Variants in GRM8 observed in about 807,000 individuals in gnomAD.
The protein encoded by GRM8 is metabotropic glutamate receptor 8.
GRM8 carries 47 observed loss-of-function variants against 87.2 expected under a neutral mutation model. That is an observed-to-expected ratio of 0.54 (90% CI 0.43 to 0.69). The LOEUF (loss-of-function observed/expected upper bound fraction) is 0.69, where lower values mean the gene tolerates loss of function less well. Ranked by LOEUF, GRM8 falls within the 30% of genes least tolerant of loss-of-function variation. The pLI is 0.00. For synonymous variants in GRM8, 396 were observed against 404.5 expected (o/e 0.98, Z 0.25); for missense variants, 1,019 against 1,139.2 (o/e 0.89, Z 1.52).
At chr7:126,464,216 T>G (rs1804229807) in intron 9 of GRM8, among the ~76,000 whole-genome samples, 1 of 151,690 alleles carries the variant, frequency 6.6e-6, no homozygotes, top group African/African-American at 2.4e-5. Flanking sequence ...TGGCTTGCCA[T>G]CTTTTTATAG....
At chr7:126,815,189 A>G (rs991421517) in intron 6 of GRM8, among the ~76,000 whole-genome samples, 1 of 152,096 alleles carries the variant, frequency 6.6e-6, no homozygotes, top group Non-Finnish European at 1.5e-5. Context: ...GTTCGTGACA[A>G]AAATTCCTGG....
At chr7:127,214,237 A>G (rs1471209091) in intron 2 of GRM8, among the ~76,000 whole-genome samples, 2 of 152,176 alleles carry the variant, frequency 1.3e-5, no homozygotes, top group African/African-American at 2.4e-5. Flanking sequence ...CCTTGGAGTA[A>G]AAGATTACAT....
At position 126,957,118 on chromosome 7, in the gene GRM8, G is replaced by GT. The variant is rs1808776097; in HGVS notation, c.728-52436_728-52435insA. On this transcript the variant is annotated intron_variant, in intron 3 of 10. Coordinates refer to ENST00000339582, the MANE Select transcript of GRM8 (RefSeq NM_000845.3). The stretch of plus-strand genomic sequence containing the variant: ...CTACACTGGTACAGACATAGATGCT[G>GT]CAATGTATCTACTACATTGATGTAG... Among the ~76,000 whole-genome samples, 2 of 152,058 alleles carry GT rather than the reference G, an allele frequency of 1.3e-5. 1 individual carries two copies. The highest frequency in any genetic ancestry group is 2.9e-5 in the Non-Finnish European group (2 of 68,026).
chr7:127,047,326 CTCT>C (rs1413861448), intron 3 of GRM8, among the ~76,000 whole-genome samples: 3 of 152,136 alleles, frequency 2.0e-5, no homozygotes, highest in East Asian at 3.9e-4. Context: ...TATTAAACTG[CTCT>C]TGTTACAACT....
intron 3 of GRM8, among the ~76,000 whole-genome samples, chr7:127,073,518 C>T (rs140766099): frequency 1.4e-4 from 21 of 152,168 alleles, no homozygotes; most frequent in African/African-American, 4.8e-4. Context: ...CTGCATCACC[C>T]ACAAGACTCG....
At chr7:126,657,006 A>C (rs1309880867) in intron 7 of GRM8, among the ~76,000 whole-genome samples, 2 of 152,246 alleles carry the variant, frequency 1.3e-5, no homozygotes, top group Non-Finnish European at 2.9e-5. Context: ...GTGATTTAGT[A>C]ATGTTCGTAC....
intron 3 of GRM8, among the ~76,000 whole-genome samples, chr7:127,018,810 C>T (rs1168696755): frequency 1.3e-5 from 2 of 151,792 alleles, no homozygotes; most frequent in Admixed American, 1.3e-4. Flanking sequence ...TAACATGAGG[C>T]AACCATAAGA....
intron 8 of GRM8, among the ~76,000 whole-genome samples, chr7:126,578,407 T>C (rs1795300154): frequency 6.6e-6 from 1 of 152,170 alleles, no homozygotes; most frequent in Non-Finnish European, 1.5e-5. Flanking sequence ...TAGTAGTTTA[T>C]GTGAGGAAGG....
intron 6 of GRM8, among the ~76,000 whole-genome samples, chr7:126,871,292 T>C (rs1799074277): frequency 6.6e-6 from 1 of 152,230 alleles, no homozygotes; most frequent in Non-Finnish European, 1.5e-5. Flanking sequence ...ATACTCATTG[T>C]TCTGTGTATG....
At chr7:127,139,135 C>T (rs1828114151) in intron 2 of GRM8, among the ~76,000 whole-genome samples, 1 of 152,106 alleles carries the variant, frequency 6.6e-6, no homozygotes, top group Non-Finnish European at 1.5e-5. Context: ...ACTTCCAGCC[C>T]ATCAGCTTAG....
intron 7 of GRM8, among the ~76,000 whole-genome samples, chr7:126,716,560 C>T (rs917246051): frequency 6.6e-6 from 1 of 152,074 alleles, no homozygotes; most frequent in Non-Finnish European, 1.5e-5. Flanking sequence ...CTCAGGATTC[C>T]TTCCCTAAAT....
At chr7:126,683,714 C>A (rs1053660955) in intron 7 of GRM8, among the ~76,000 whole-genome samples, 1 of 152,098 alleles carries the variant, frequency 6.6e-6, no homozygotes, top group Non-Finnish European at 1.5e-5. Flanking sequence ...ATATATGTTA[C>A]ATAAACAAGA....
intron 2 of GRM8, among the ~76,000 whole-genome samples, chr7:127,168,568 T>A (rs539041863): frequency 6.6e-6 from 1 of 152,162 alleles, no homozygotes; most frequent in Non-Finnish European, 1.5e-5. Context: ...CATATGTTTA[T>A]TGCAGCACTG....
chr7:126,768,111 T>C (rs1485528166), intron 7 of GRM8, among the ~76,000 whole-genome samples: 1 of 152,058 alleles, frequency 6.6e-6, no homozygotes, highest in Non-Finnish European at 1.5e-5. Context: ...TCAGATTTCA[T>C]CTGTTCCTAA....
At chr7:126,699,183 G>A (rs140040698) in intron 7 of GRM8, among the ~76,000 whole-genome samples, 2,188 of 152,216 alleles carry the variant, frequency 0.014, 26 homozygotes, top group Non-Finnish European at 0.019. Context: ...TGTAAAACAC[G>A]ATTGCCATCA....
In GRM8 at chr7:127,109,878, T is replaced by C. The variant is rs184379008; in HGVS notation, c.511-3166A>G. On this transcript the variant is annotated intron_variant, in intron 2 of 10. Transcript: ENST00000339582. ...CAGGCTATTCTCCATTCGACCCTCC[T>C]GATCCTTCCCTATCCTGCCAAAGAC... Among the ~76,000 whole-genome samples, 219 of 152,310 alleles carry C rather than the reference T, an allele frequency of 1.4e-3. 1 individual carries two copies. Among genetic ancestry groups the C allele is most frequent in the African/African-American group, 5.0e-3 (209 of 41,568 alleles).
intron 3 of GRM8, among the ~76,000 whole-genome samples, chr7:126,969,627 G>C (rs955282886): frequency 6.6e-6 from 1 of 151,900 alleles, no homozygotes; most frequent in Non-Finnish European, 1.5e-5. Flanking sequence ...CTACAGTCTT[G>C]AACCCCTCAA....
At chr7:126,641,184 C>A (rs1421821056) in intron 7 of GRM8, among the ~76,000 whole-genome samples, 1 of 152,154 alleles carries the variant, frequency 6.6e-6, no homozygotes, top group Admixed American at 6.5e-5. Flanking sequence ...TTAAAAGTTT[C>A]TCTTGCCTAT....
chr7:126,600,206 C>A (rs537070429), intron 8 of GRM8, among the ~76,000 whole-genome samples: 3 of 152,078 alleles, frequency 2.0e-5, no homozygotes, highest in African/African-American at 7.2e-5. Context: ...TATATGGTTG[C>A]TTTAATAAAT....
Sources: gnomAD v4.1 joint callset for allele counts (sites outside exome capture counted in the v4.1 genomes callset) on GRCh38, gnomAD v4.1.1 for gene constraint, MANE v1.5 for transcripts, NCBI Gene and HGNC (gene_info 2026-07-23, HGNC 2026-07-21) for gene names.